Variants in MAPK10 observed in about 807,000 individuals in gnomAD.
MAPK10 encodes JNK3 alpha protein kinase.
A neutral mutation model predicts 59.3 loss-of-function variants in MAPK10; 25 were observed. That is an observed-to-expected ratio of 0.42 (90% confidence interval 0.31 to 0.59). The LOEUF (loss-of-function observed/expected upper bound fraction) is 0.59, where lower values mean the gene tolerates loss of function less well. Ranked by LOEUF, MAPK10 falls within the 20% of genes least tolerant of loss-of-function variation. The pLI, the probability that MAPK10 is intolerant of heterozygous loss-of-function variation, is 0.15. For synonymous variants in MAPK10, 190 were observed against 200.5 expected (o/e 0.95, Z 0.44); for missense variants, 351 against 568.9 (o/e 0.62, Z 3.90).
intron 1 of MAPK10, among the ~76,000 whole-genome samples, chr4:86,467,598 C>T (rs529489603): frequency 2.4e-4 from 37 of 152,276 alleles, no homozygotes; most frequent in Non-Finnish European, 4.1e-4. Flanking sequence ...TGGCTCACTG[C>T]AACCTCCGCC....
intron 2 of MAPK10, among the ~76,000 whole-genome samples, chr4:86,269,148 C>A (rs937472111): frequency 2.6e-5 from 4 of 152,060 alleles, no homozygotes; most frequent in Non-Finnish European, 5.9e-5. Flanking sequence ...AGTAAATAAA[C>A]GATTGCCTGC....
chr4:86,198,911 A>T (rs775201086), intron 2 of MAPK10, among the ~76,000 whole-genome samples: 1 of 151,892 alleles, frequency 6.6e-6, no homozygotes, highest in Non-Finnish European at 1.5e-5. Context: ...AAACCCAAAA[A>T]ATTGAAGAAT....
rs967545697 is a variant in MAPK10 at position 86,099,228 on chromosome 4, T to G, written c.731-633A>C. The G allele has an allele frequency of 2.0e-5, 3 of 152,296 alleles. No homozygotes were observed. In the East Asian group the frequency reaches 5.8e-4, roughly 29 times the overall value. The allele number at this position is 152,296 out of a possible 1,614,324, so 9.4% of individuals were successfully genotyped here. A position where few individuals can be genotyped will look rare whatever the true frequency, so the allele number is the denominator to read the frequency against. On this transcript the variant is annotated intron_variant, in intron 8 of 13. Transcript: ENST00000641462. ...AATAAACATCAGTTTTAGTTTCCAT[T>G]TGAAATATTTCAAGAAAAAAGACAT... is the stretch of plus-strand genomic sequence containing the variant.
chr4:86,291,750 A>G (rs1285584269), intron 2 of MAPK10, among the ~76,000 whole-genome samples: 1 of 152,210 alleles, frequency 6.6e-6, no homozygotes, highest in African/African-American at 2.4e-5. Context: ...AGGGATTCTA[A>G]GGAACTAAAT....
intron 1 of MAPK10, among the ~76,000 whole-genome samples, chr4:86,427,344 C>A (rs1747428064): frequency 2.0e-5 from 3 of 151,876 alleles, no homozygotes; most frequent in African/African-American, 7.3e-5. Flanking sequence ...GTCACTCTCT[C>A]AACGATGCAA....
chr4:86,099,045 AC>A (rs2054797122), intron 8 of MAPK10: 1 of 153,236 alleles, frequency 6.5e-6, no homozygotes, highest in African/African-American at 2.4e-5. Flanking sequence ...ACAAGAGACC[AC>A]CTTTTTTTTC....
intron 1 of MAPK10, among the ~76,000 whole-genome samples, chr4:86,469,498 G>A (rs1256727063): frequency 6.6e-6 from 1 of 152,190 alleles, no homozygotes; most frequent in Non-Finnish European, 1.5e-5. Flanking sequence ...CTGTCTAGTA[G>A]ATAATGCAGA....
At chr4:86,585,373 T>C (rs1246442786) in intron 1 of MAPK10, among the ~76,000 whole-genome samples, 1 of 152,196 alleles carries the variant, frequency 6.6e-6, no homozygotes, top group African/African-American at 2.4e-5. Context: ...TCTAAACTCA[T>C]TGTTTCACAA....
chr4:86,522,907 T>C (rs1317318043), intron 1 of MAPK10, among the ~76,000 whole-genome samples: 1 of 152,200 alleles, frequency 6.6e-6, no homozygotes, highest in Non-Finnish European at 1.5e-5. Context: ...ATTCTATGCA[T>C]CCTCATGGGA....
chr4:86,286,080 GCATTTTAC>G (rs954876021), intron 2 of MAPK10, among the ~76,000 whole-genome samples: 1 of 152,140 alleles, frequency 6.6e-6, no homozygotes, highest in African/African-American at 2.4e-5. Context: ...CTCAGAAATA[GCATTTTAC>G]TAGCTATCTG....
chr4:86,338,756 CATG>C (rs757168555), intron 2 of MAPK10, among the ~76,000 whole-genome samples: 1 of 152,218 alleles, frequency 6.6e-6, no homozygotes, highest in Non-Finnish European at 1.5e-5. Context: ...GGGCATTTGT[CATG>C]ATAACAACTG....
chr4:86,317,896 G>A (rs557779963), intron 2 of MAPK10, among the ~76,000 whole-genome samples: 129 of 152,264 alleles, frequency 8.5e-4, no homozygotes, highest in African/African-American at 3.1e-3. Context: ...TGCTCTCTCT[G>A]AAGGCTCTAG....
intron 4 of MAPK10, among the ~76,000 whole-genome samples, chr4:86,137,291 T>A (rs1316242453): frequency 6.6e-6 from 1 of 151,604 alleles, no homozygotes; most frequent in African/African-American, 2.4e-5. Flanking sequence ...GAAGTAAAGC[T>A]GTCCTCAGCA....
intron 1 of MAPK10, chr4:86,429,750 C>T (rs993764320): frequency 6.6e-6 from 1 of 151,570 alleles, no homozygotes; most frequent in Non-Finnish European, 1.5e-5. Flanking sequence ...CTGCAATGAG[C>T]TATGATAATG....
At chr4:86,152,475 A>G (rs1296926770) in intron 4 of MAPK10, 1 of 152,212 alleles carries the variant, frequency 6.6e-6, no homozygotes, top group East Asian at 1.9e-4. Context: ...GACAAGGTCA[A>G]ATATTTTAAA....
chr4:86,511,360 C>A (rs1756223483), intron 1 of MAPK10, among the ~76,000 whole-genome samples: 1 of 151,662 alleles, frequency 6.6e-6, no homozygotes, highest in Non-Finnish European at 1.5e-5. Flanking sequence ...AGTTCGAGAC[C>A]AGCCTGTGCA....
At chr4:86,224,616 AGAAG>A (rs933359812) in intron 2 of MAPK10, among the ~76,000 whole-genome samples, 15 of 152,226 alleles carry the variant, frequency 9.9e-5, no homozygotes, top group African/African-American at 3.6e-4. Flanking sequence ...AATGAATTAA[AGAAG>A]GTAGATATAT....
chr4:86,234,540 A>G (rs2092003472), intron 2 of MAPK10, among the ~76,000 whole-genome samples: 1 of 152,090 alleles, frequency 6.6e-6, no homozygotes, highest in East Asian at 1.9e-4. Context: ...AAATTCTTCA[A>G]TAATAAATAC....
chr4:86,266,932 T>C (rs2094263253), intron 2 of MAPK10, among the ~76,000 whole-genome samples: 1 of 152,060 alleles, frequency 6.6e-6, no homozygotes, highest in Admixed American at 6.6e-5. Flanking sequence ...GTATTTTCTT[T>C]TGGTGGTATG....
Sources: gnomAD v4.1 joint callset for allele counts (sites outside exome capture counted in the v4.1 genomes callset) on GRCh38, gnomAD v4.1.1 for gene constraint, MANE v1.5 for transcripts, NCBI Gene and HGNC (gene_info 2026-07-23, HGNC 2026-07-21) for gene names.